AK9: variants seen among roughly 807,000 people sequenced by gnomAD.
AK9 encodes the protein adenylate kinase domain containing 1.
AK9 carries 191 observed loss-of-function variants against 239.6 expected under a neutral mutation model. The observed-to-expected ratio is 0.80, with a 90% CI of 0.71 to 0.90. AK9 has a LOEUF of 0.90. Among genes scored for constraint, AK9 ranks in the 40% least tolerant of loss-of-function variants. The pLI is 0.00. For synonymous variants in AK9, 689 were observed against 721.0 expected, an observed-to-expected ratio of 0.96 and a Z score of 0.71; for missense variants, 1,995 against 2,214.7, an observed-to-expected ratio of 0.90 and a Z score of 1.99.
chr6:109,502,953 C>T (rs1205003221), intron 35 of AK9, among the ~76,000 whole-genome samples: 4 of 128,732 alleles, frequency 3.1e-5, no homozygotes, highest in East Asian at 2.6e-4. Flanking sequence ...CCCACAGGAA[C>T]GGTATGTGTG....
intron 21 of AK9, among the ~76,000 whole-genome samples, chr6:109,569,607 A>C (rs954038792): frequency 5.3e-5 from 8 of 152,188 alleles, no homozygotes; most frequent in African/African-American, 1.9e-4. Flanking sequence ...ACCCCATCAA[A>C]AAGTGGGCAA....
intron 1 of AK9, among the ~76,000 whole-genome samples, chr6:109,677,907 A>G (rs1771999563): frequency 1.3e-5 from 2 of 152,212 alleles, no homozygotes; most frequent in African/African-American, 2.4e-5. Context: ...AATAAAAAAT[A>G]GTGACAACAC....
chr6:109,646,508 A>C (rs930048454), intron 8 of AK9, among the ~76,000 whole-genome samples: 2 of 152,222 alleles, frequency 1.3e-5, no homozygotes, highest in African/African-American at 2.4e-5. Context: ...ATTGAAGATC[A>C]AATGAATGAA....
chr6:109,644,832 T>G, intron 8 of AK9, 144 bp from the exon 9 acceptor site: 1 of 570,238 alleles, frequency 1.8e-6, no homozygotes, highest in South Asian at 3.4e-5. Context: ...TTTTCAATGC[T>G]CAAGAGATCT....
intron 8 of AK9, among the ~76,000 whole-genome samples, chr6:109,650,964 A>G (rs1350317516): frequency 1.3e-5 from 2 of 152,190 alleles, no homozygotes; most frequent in Non-Finnish European, 2.9e-5. Context: ...CATCATTCTC[A>G]GCAAACTATC....
intron 12 of AK9, among the ~76,000 whole-genome samples, chr6:109,622,806 T>C (rs1795040798): frequency 6.6e-6 from 1 of 151,830 alleles, no homozygotes; most frequent in South Asian, 2.1e-4. Flanking sequence ...ATATCTTTGA[T>C]AGTTTCTTTA....
rs1043042089 is a variant in AK9, at chr6:109,640,520, C to T, written c.933+998G>A. On this transcript the variant is annotated intron_variant, in intron 10 of 40. Transcript: ENST00000424296. ...AATCACCCATCTTCTGCATCGATCCCGCTGGGAGCTGCAGACTGGAGCTGT... is the reference window on the plus strand; with the variant it reads ...AATCACCCATCTTCTGCATCGATCCTGCTGGGAGCTGCAGACTGGAGCTGT... Among the ~76,000 whole-genome samples the T allele has an allele frequency of 8.0e-4, 122 of 152,188 alleles. 1 individual carries two copies. Among genetic ancestry groups the T allele is most frequent in the African/African-American group, 2.7e-3 (113 of 41,524 alleles).
At chr6:109,536,737 G>A (rs909008035) in intron 27 of AK9, among the ~76,000 whole-genome samples, 50 of 152,200 alleles carry the variant, frequency 3.3e-4, no homozygotes, top group South Asian at 6.2e-4. Context: ...ATTGGCTGTG[G>A]GTTTGTCACA....
chr6:109,690,554 CT>C (rs142765048), intron 1 of AK9: 4,212 of 152,308 alleles, frequency 0.028, 98 homozygotes, highest in East Asian at 0.11. Context: ...GGGGAGACCT[CT>C]GGCCGCCACG....
chr6:109,497,601 T>A, intron 37 of AK9, 38 bp from the exon 38 acceptor site: 1 of 1,434,876 alleles, frequency 7.0e-7, no homozygotes, highest in Non-Finnish European at 9.7e-7. Flanking sequence ...CTCTATTGTA[T>A]AATTAATATG....
chr6:109,660,261 TA>T (rs531216658), intron 6 of AK9, among the ~76,000 whole-genome samples: 144 of 151,804 alleles, frequency 9.5e-4, no homozygotes, highest in Non-Finnish European at 1.3e-3. Flanking sequence ...TTTTTCAGGA[TA>T]AAAAAAAATC....
intron 12 of AK9, among the ~76,000 whole-genome samples, chr6:109,629,045 TAAAC>T (rs930736443): frequency 3.3e-5 from 5 of 152,166 alleles, no homozygotes; most frequent in African/African-American, 1.2e-4. Context: ...CTTAAGGACT[TAAAC>T]AAAAATTATT....
intron 24 of AK9, among the ~76,000 whole-genome samples, chr6:109,552,091 T>C (rs937901760): frequency 3.3e-5 from 5 of 152,182 alleles, no homozygotes; most frequent in African/African-American, 1.2e-4. Flanking sequence ...CCATGGTATA[T>C]ATATACCACA....
chr6:109,608,710 G>A (rs1280924381), intron 17 of AK9, among the ~76,000 whole-genome samples: 1 of 151,892 alleles, frequency 6.6e-6, no homozygotes, highest in Admixed American at 6.5e-5. Flanking sequence ...TACTATGAAA[G>A]GAAAAATTAA....
At chr6:109,621,150 A>T (rs1284599176) in intron 12 of AK9, among the ~76,000 whole-genome samples, 2 of 135,674 alleles carry the variant, frequency 1.5e-5, no homozygotes, top group Non-Finnish European at 3.1e-5. Context: ...AATGCTCATC[A>T]TCACTGGCCA....
intron 12 of AK9, among the ~76,000 whole-genome samples, chr6:109,625,027 T>C (rs1795348663): frequency 6.6e-6 from 1 of 152,154 alleles, no homozygotes; most frequent in Non-Finnish European, 1.5e-5. Context: ...AGGACTCTTT[T>C]TGTTTTCCAA....
chr6:109,560,528 G>T (rs6568582), intron 24 of AK9, among the ~76,000 whole-genome samples: 108,633 of 152,000 alleles, frequency 0.71, 39,308 homozygotes, highest in East Asian at 0.99. Context: ...GGTGATCATG[G>T]TTTTTCCCCT....
chr6:109,607,565 C>G (rs184426106), intron 17 of AK9, among the ~76,000 whole-genome samples: 43 of 152,110 alleles, frequency 2.8e-4, no homozygotes, highest in African/African-American at 9.4e-4. Context: ...CCATTTTATA[C>G]AAGGAACTTG....
At chr6:109,661,228 T>C (rs972637071) in intron 6 of AK9, among the ~76,000 whole-genome samples, 2 of 152,310 alleles carry the variant, frequency 1.3e-5, no homozygotes, top group East Asian at 1.9e-4. Flanking sequence ...ACTTATAACA[T>C]GAATGGGGTT....
Sources: allele counts gnomAD v4.1 joint callset (sites outside exome capture counted in the v4.1 genomes callset), GRCh38; gene constraint gnomAD v4.1.1; transcripts MANE v1.5; gene names NCBI Gene and HGNC (gene_info 2026-07-23, HGNC 2026-07-21).